Variants in RPS15A observed in about 807,000 individuals in gnomAD.
RPS15A encodes the protein ribosomal protein S15a.
For synonymous variants in RPS15A, 55 were observed against 58.5 expected, an observed-to-expected ratio of 0.94 and a Z score of 0.27; for missense variants, 62 against 163.4, an observed-to-expected ratio of 0.38 and a Z score of 3.38.
chr16:18,783,285 A>G (rs1363323512), intron 4 of RPS15A, 183 bp from the exon 5 acceptor site: 2 of 552,698 alleles, frequency 3.6e-6, no homozygotes, highest in Non-Finnish European at 6.4e-6. Flanking sequence ...CTGCAACCCA[A>G]AGAGCCAAAT....
intron 3 of RPS15A, chr16:18,785,929 G>A (rs1279780571): frequency 5.3e-5 from 8 of 152,296 alleles, no homozygotes; most frequent in South Asian, 4.1e-4. Flanking sequence ...CAGAAGAATC[G>A]TAAGAGGATG....
chr16:18,782,862 A>G lies in RPS15A; in HGVS notation c.*147T>C, dbSNP rs1903987058. 1.7e-6 allele frequency: 1 copy of G among 577,292 alleles called. No individual in the cohort carries two copies. Among genetic ancestry groups the G allele is most frequent in the South Asian group, 2.2e-5 (1 of 45,446 alleles). 35.8% of individuals were successfully genotyped at this position (577,292 alleles called of 1,614,324 possible). ...ACTTTTTCCCTTGGCTGTATTAGTC[A>G]CTTCAGGGAATCGCATTCACCGATA... On this transcript the variant is annotated 3_prime_UTR_variant, in exon 5 of 5. Coordinates refer to ENST00000322989, the MANE Select transcript of RPS15A (RefSeq NM_001019.5).
rs775330509 is a variant in RPS15A, at chr16:18,788,192, TAAAC to T, written c.134-54_134-51del. On this transcript the variant is annotated intron_variant, in intron 2 of 4. Transcript: ENST00000322989. ...AAATAAAAGACATCAACTTGAGAGC[TAAAC>T]CTCTGTGCTCTAGCCTACTCAATTC... 3 of 1,154,630 alleles carry T rather than the reference TAAAC, an allele frequency of 2.6e-6. No homozygotes were observed. The South Asian group carries it at 3.7e-5, about 14-fold the overall frequency. 71.5% of individuals were successfully genotyped at this position (1,154,630 alleles called of 1,614,324 possible). A position where few individuals can be genotyped will look rare whatever the true frequency, so the allele number is the denominator to read the frequency against.
In RPS15A at chr16:18,790,261, C is replaced by T. The variant is rs17663059; in HGVS notation, c.-23G>A. 10,679 of 152,240 alleles carry T rather than the reference C, an allele frequency of 0.07. 379 individuals carry two copies. The highest frequency in any genetic ancestry group is 0.094 in the African/African-American group (3,907 of 41,476). 9.4% of individuals were successfully genotyped at this position (152,240 alleles called of 1,614,324 possible). On this transcript the variant is annotated 5_prime_UTR_variant, in exon 1 of 5. Transcript: ENST00000322989. ...GACCGAACCTTAGATTGCAGGATGG[C>T]GCCGATGGCAGACGGATGAAATTGG...
rs111567159 is a variant in RPS15A, at chr16:18,782,763, A to G, written c.*246T>C. ...AAAAAAAAACTGAAATACAACTAAA[A>G]TATTTAGTGTCAAATACCTGGTTTT... On this transcript the variant is annotated 3_prime_UTR_variant, in exon 5 of 5. Transcript: ENST00000322989. 3.0e-5 allele frequency: 11 copies of G among 361,940 alleles called. No individual in the cohort carries two copies. The highest frequency in any genetic ancestry group is 2.1e-4 in the African/African-American group (10 of 47,498). 22.4% of individuals were successfully genotyped at this position (361,940 alleles called of 1,614,324 possible).
chr16:18,783,207 G>A, intron 4 of RPS15A, 105 bp from the exon 5 acceptor site: 1 of 710,798 alleles, frequency 1.4e-6, no homozygotes, highest in Non-Finnish European at 2.4e-6. Flanking sequence ...GCGCTTTCCT[G>A]TGGGGCACAT....
chr16:18,785,020 G>C (rs1444747265), intron 3 of RPS15A, 197 bp from the exon 4 acceptor site: 1 of 516,806 alleles, frequency 1.9e-6, no homozygotes, highest in African/African-American at 2.0e-5. Context: ...CTGCCTAGGA[G>C]AAAAAGCAAA....
rs1238339969 is a variant in RPS15A at position 18,790,281 on chromosome 16, A to T, written c.-43T>A. On this transcript the variant is annotated 5_prime_UTR_variant, in exon 1 of 5. Transcript: ENST00000322989. The stretch of plus-strand genomic sequence containing the variant: ...GATGGCGCCGATGGCAGACGGATGA[A>T]ATTGGAGCTCTCAGAGAGTGCTACT... 1 of 152,164 alleles carries T rather than the reference A, an allele frequency of 6.6e-6. No individual in the cohort carries two copies. The highest frequency in any genetic ancestry group is 2.4e-5 in the African/African-American group (1 of 41,380). The allele number at this position is 152,164 out of a possible 1,614,324, so 9.4% of individuals were successfully genotyped here. A position where few individuals can be genotyped will look rare whatever the true frequency, so the allele number is the denominator to read the frequency against.
Position 18,784,891 on chromosome 16 carries a change from A to G in RPS15A, c.214-68T>C, listed in dbSNP as rs568645996. Reference sequence around the variant, plus strand: ...AATAACAGAAAAACTGAGTAACACAAGATGACATTCATAAATAAACAGTCC... The same window carrying G: ...AATAACAGAAAAACTGAGTAACACAGGATGACATTCATAAATAAACAGTCC... On this transcript the variant is annotated intron_variant, in intron 3 of 4. Coordinates refer to ENST00000322989, the MANE Select transcript of RPS15A (RefSeq NM_001019.5). 6 of 1,267,390 alleles carry G rather than the reference A, an allele frequency of 4.7e-6. No homozygotes were observed. The South Asian group carries it at 7.7e-5, about 16-fold the overall frequency. 78.5% of individuals were successfully genotyped at this position (1,267,390 alleles called of 1,614,324 possible).
rs1339563011 is a variant in RPS15A, at chr16:18,789,031, C to T, written c.83G>A (p.Arg28Lys). Residue 28 changes from arginine (R) to lysine (K), a missense_variant, in exon 2 of 5, where the codon AGG becomes AAG. Arg to Lys is a conservative substitution (Grantham distance 26). Transcript: ENST00000322989. ...CCGGACGATGACTTTGGAGCACGGC[C>T]TAATAAGCACCTGGCGTTTGCCTCT... Reference protein sequence around the residue: ...EKRGKRQVLIRPCSKVIVRFL... With the variant: ...EKRGKRQVLIKPCSKVIVRFL... 8.1e-6 allele frequency: 13 copies of T among 1,614,034 alleles called. No homozygotes were observed. Among genetic ancestry groups the T allele is most frequent in the Non-Finnish European group, 1.1e-5 (13 of 1,180,016 alleles).
At chr16:18,787,220 C>T (rs879482967) in intron 3 of RPS15A, among the ~76,000 whole-genome samples, 1 of 152,184 alleles carries the variant, frequency 6.6e-6, no homozygotes, top group East Asian at 1.9e-4. Flanking sequence ...CTCTTTCCCC[C>T]CTATCTGTTG....
intron 3 of RPS15A, 64 bp downstream of exon 3, chr16:18,787,999 C>T: frequency 1.0e-6 from 1 of 998,662 alleles, no homozygotes; most frequent in Non-Finnish European, 1.6e-6. Context: ...AAGGCAATTA[C>T]AACATTTAAC....
intron 3 of RPS15A, chr16:18,785,256 C>G (rs968669626): frequency 1.3e-5 from 2 of 153,888 alleles, no homozygotes; most frequent in African/African-American, 4.8e-5. Context: ...CTAAGGAACA[C>G]GCTGTCCAGG....
At chr16:18,788,857 A>T (rs1284339765) in intron 2 of RPS15A, 124 bp downstream of exon 2, 1 of 991,204 alleles carries the variant, frequency 1.0e-6, no homozygotes, top group Middle Eastern at 3.4e-4. Flanking sequence ...CACAGCCCAC[A>T]GGTCAATTGC....
chr16:18,784,525 C>T (rs561937032), intron 4 of RPS15A: 71 of 489,188 alleles, frequency 1.5e-4, no homozygotes, highest in African/African-American at 1.0e-3. Context: ...GGATCACAGG[C>T]GTGAGCCACT....
rs1445540011 is a variant in RPS15A, at chr16:18,790,238, C to G, written c.-6+6G>C. The G allele has an allele frequency of 1.3e-5, 2 of 152,588 alleles. No homozygotes were observed. Among genetic ancestry groups the G allele is most frequent in the African/African-American group, 4.8e-5 (2 of 41,448 alleles). 9.5% of individuals were successfully genotyped at this position (152,588 alleles called of 1,614,324 possible). ...CCAGCCTCCTCGCAGGACACCGAGA[C>G]CGAACCTTAGATTGCAGGATGGCGC... On this transcript the variant is annotated splice_donor_region_variant and intron_variant, in intron 1 of 4. Transcript: ENST00000322989.
chr16:18,788,667 G>GT (rs200576998), intron 2 of RPS15A: 4,038 of 243,636 alleles, frequency 0.017, 55 homozygotes, highest in Non-Finnish European at 0.024. Context: ...TTTTGTTTTT[G>GT]TTTTTTGTTT....
intron 2 of RPS15A, 33 bp from the exon 3 acceptor site, chr16:18,788,175 G>A (rs1392836262): frequency 5.8e-6 from 8 of 1,371,656 alleles, no homozygotes; most frequent in Non-Finnish European, 8.3e-6. Flanking sequence ...TTAAATAAAA[G>A]ACATCAACTT....
chr16:18,789,746 ACACTG>A (rs2029986443), intron 1 of RPS15A, among the ~76,000 whole-genome samples: 1 of 152,232 alleles, frequency 6.6e-6, no homozygotes, highest in South Asian at 2.1e-4. Flanking sequence ...ACCGCACACT[ACACTG>A]AAGTTTTGAA....
Sources: allele counts gnomAD v4.1 joint callset (sites outside exome capture counted in the v4.1 genomes callset), GRCh38; gene constraint gnomAD v4.1.1; transcripts MANE v1.5; gene names NCBI Gene and HGNC (gene_info 2026-07-23, HGNC 2026-07-21).